Variants in NBEA observed in about 807,000 individuals in gnomAD.
The protein encoded by NBEA is neurobeachin.
Under a neutral mutation model 343.4 loss-of-function variants are expected in NBEA, and 44 were observed. The ratio of observed to expected loss-of-function variants is 0.13; its 90% CI spans 0.10 to 0.16. The LOEUF (loss-of-function observed/expected upper bound fraction) is 0.16. NBEA is among the 10% of genes least tolerant of loss of function. The probability of loss-of-function intolerance (pLI) is 1.00; values close to 1 mark genes in which losing one functional copy is unlikely to be tolerated. For missense variants in NBEA, 2,555 were observed against 3,631.3 expected (o/e 0.70, Z 7.62); for synonymous variants, 1,175 against 1,238.7 (o/e 0.95, Z 1.08).
chr13:35,411,263 C>T (rs1165030472), intron 38 of NBEA, among the ~76,000 whole-genome samples: 3 of 152,166 alleles, frequency 2.0e-5, no homozygotes, highest in African/African-American at 7.2e-5. Flanking sequence ...GGCACCCATC[C>T]AGTGGAAAGT....
chr13:35,248,939 C>T (rs144798519), intron 34 of NBEA, among the ~76,000 whole-genome samples: 4,533 of 152,170 alleles, frequency 0.03, 102 homozygotes, highest in Non-Finnish European at 0.045. Context: ...CACCTGAGGT[C>T]GGGAGTTCGA....
rs2062590184 is a variant in NBEA at position 35,039,979 on chromosome 13, T to TA, written c.295-953dup. On this transcript the variant is annotated intron_variant, in intron 1 of 58. Transcript: ENST00000379939. The stretch of plus-strand genomic sequence containing the variant: ...TTTAGCACTGTTAGTGCATGGTTTT[T>TA]ATCTTGGACATTCATATATTCTAGT... Among the ~76,000 whole-genome samples the TA allele has an allele frequency of 3.3e-5, 5 of 152,340 alleles. No individual in the cohort carries two copies. The South Asian group carries it at 1.0e-3, about 32-fold the overall frequency.
chr13:35,381,921 A>C (rs932015796), intron 38 of NBEA, among the ~76,000 whole-genome samples: 2 of 152,130 alleles, frequency 1.3e-5, no homozygotes, highest in Non-Finnish European at 2.9e-5. Flanking sequence ...ATTTTTAATT[A>C]TCTTCTTCTA....
At position 35,013,748 on chromosome 13, in the gene NBEA, C is replaced by T. The variant is rs139160855; in HGVS notation, c.295-27185C>T. 3.6e-3 allele frequency among the ~76,000 whole-genome samples: 543 copies of T among 152,232 alleles called. 2 individuals carry two copies. The highest frequency in any genetic ancestry group is 6.8e-3 in the Middle Eastern group (2 of 294). On this transcript the variant is annotated intron_variant, in intron 1 of 58. Coordinates refer to ENST00000379939, the MANE Select transcript of NBEA (RefSeq NM_001385012.1). ...CCTCCCAAAGTGCTGGGATTACAGG[C>T]GTGAGCCACTGTGCCCTGCCTAAAC...
intron 34 of NBEA, among the ~76,000 whole-genome samples, chr13:35,246,333 T>C (rs982598677): frequency 6.6e-6 from 1 of 152,202 alleles, no homozygotes; most frequent in Non-Finnish European, 1.5e-5. Flanking sequence ...TAAGCTACTG[T>C]GATTTTTTGG....
At chr13:35,581,914 A>C (rs546900602) in intron 45 of NBEA, among the ~76,000 whole-genome samples, 1 of 145,036 alleles carries the variant, frequency 6.9e-6, no homozygotes, top group Admixed American at 6.9e-5. Context: ...AGAAAAAAAA[A>C]GAAAAATATA....
intron 40 of NBEA, among the ~76,000 whole-genome samples, chr13:35,466,308 G>C (rs977503670): frequency 2.0e-5 from 3 of 152,192 alleles, no homozygotes; most frequent in Non-Finnish European, 4.4e-5. Flanking sequence ...GTGAGCTTTT[G>C]TGTAAAATTT....
chr13:35,061,036 G>T (rs2063450229), intron 8 of NBEA, among the ~76,000 whole-genome samples: 1 of 151,608 alleles, frequency 6.6e-6, no homozygotes, highest in South Asian at 2.1e-4. Context: ...TTATGATTCT[G>T]AGCTTAGTGT....
At chr13:35,428,121 G>A (rs1265855002) in intron 38 of NBEA, among the ~76,000 whole-genome samples, 2 of 152,090 alleles carry the variant, frequency 1.3e-5, no homozygotes, top group African/African-American at 4.8e-5. Flanking sequence ...GCTCGCACAC[G>A]ATCCGCTGCA....
intron 16 of NBEA, among the ~76,000 whole-genome samples, chr13:35,118,894 T>G (rs548109729): frequency 7.2e-5 from 11 of 152,126 alleles, no homozygotes; most frequent in South Asian, 4.1e-4. Flanking sequence ...TGATGAAAAT[T>G]AAAGAATTTT....
In NBEA at chr13:35,471,192, G is replaced by T. The variant is rs115901376; in HGVS notation, c.6449-1208G>T. Among the ~76,000 whole-genome samples, 254 of 152,314 alleles carry T rather than the reference G, an allele frequency of 1.7e-3. 2 individuals carry two copies. Among genetic ancestry groups the T allele is most frequent in the African/African-American group, 5.0e-3 (206 of 41,586 alleles). On this transcript the variant is annotated intron_variant, in intron 40 of 58. Transcript: ENST00000379939. ...TCTGTGTTCCCGCAGCCTCGGGAAC[G>T]GCCCGGCATTGTGCAGGACGGTCGC...
intron 10 of NBEA, 78 bp from the exon 11 acceptor site, chr13:35,098,219 T>C: frequency 1.0e-6 from 1 of 969,564 alleles, no homozygotes; most frequent in Non-Finnish European, 1.6e-6. Flanking sequence ...TCTTTTGGCA[T>C]AATAAAATAC....
At chr13:35,523,082 GAATA>G (rs2077795398) in intron 41 of NBEA, among the ~76,000 whole-genome samples, 1 of 152,122 alleles carries the variant, frequency 6.6e-6, no homozygotes, top group Admixed American at 6.6e-5. Flanking sequence ...ATGGCTTTAT[GAATA>G]GTGTTGCCAT....
At chr13:35,485,764 A>T (rs1197595753) in intron 41 of NBEA, among the ~76,000 whole-genome samples, 1 of 152,070 alleles carries the variant, frequency 6.6e-6, no homozygotes, top group East Asian at 1.9e-4. Flanking sequence ...TTTAAAACTC[A>T]TGTCAGAATG....
intron 46 of NBEA, among the ~76,000 whole-genome samples, chr13:35,589,742 C>T (rs926842437): frequency 9.9e-5 from 15 of 152,048 alleles, no homozygotes; most frequent in Non-Finnish European, 1.9e-4. Context: ...GCAAGAAAGG[C>T]TGTTAGTGTC....
intron 35 of NBEA, among the ~76,000 whole-genome samples, chr13:35,297,815 TTTG>T (rs989710493): frequency 6.6e-6 from 1 of 151,990 alleles, no homozygotes; most frequent in Non-Finnish European, 1.5e-5. Flanking sequence ...GCTAAGGTGA[TTTG>T]TTATTTATTT....
Position 34,942,986 on chromosome 13 carries a change from C to T in NBEA, c.166C>T (p.Leu56Phe), listed in dbSNP as rs1453097302. Residue 56 changes from leucine (L) to phenylalanine (F), a missense_variant, in exon 1 of 59, where the codon CTC (leucine) becomes TTC (phenylalanine). Physicochemically the swap from Leu to Phe is conservative, Grantham distance 22 (BLOSUM62 0). Transcript: ENST00000379939. ...GGCGTCCGGCTCCGGCTCGGTGATG[C>T]TCCCCGCGGGGATGATTAACCCTTC... ...RGASGSGSVM[L>F]PAGMINPSVP... The T allele has an allele frequency of 1.9e-6, 3 of 1,608,876 alleles. No homozygotes were observed. Among genetic ancestry groups the T allele is most frequent in the Non-Finnish European group, 1.7e-6 (2 of 1,177,800 alleles).
intron 30 of NBEA, among the ~76,000 whole-genome samples, chr13:35,188,164 G>C (rs747334965): frequency 2.6e-5 from 4 of 151,502 alleles, no homozygotes; most frequent in Non-Finnish European, 5.9e-5. Context: ...ATGTATTTAT[G>C]GTGTACAATG....
At chr13:35,084,062 C>G (rs1346194386) in intron 10 of NBEA, among the ~76,000 whole-genome samples, 1 of 151,970 alleles carries the variant, frequency 6.6e-6, no homozygotes, top group Non-Finnish European at 1.5e-5. Context: ...ACAGGAGCAC[C>G]CAGATTCATA....
Sources: gnomAD v4.1 joint callset for allele counts (sites outside exome capture counted in the v4.1 genomes callset) on GRCh38, gnomAD v4.1.1 for gene constraint, MANE v1.5 for transcripts, NCBI Gene and HGNC (gene_info 2026-07-23, HGNC 2026-07-21) for gene names.